THSD4: variants seen among roughly 807,000 people sequenced by gnomAD.
THSD4 encodes thrombospondin type 1 domain containing 4, also known as thrombospondin type-1 domain-containing protein 4.
Under a neutral mutation model 119.0 loss-of-function variants are expected in THSD4, and 69 were observed. The observed-to-expected ratio is 0.58, with a 90% CI of 0.48 to 0.71. THSD4 has a LOEUF of 0.71. Ranked by LOEUF, THSD4 falls within the 30% of genes least tolerant of loss-of-function variation. The pLI, the probability that THSD4 is intolerant of heterozygous loss-of-function variation, is 0.00. For missense variants in THSD4, 1,393 were observed against 1,391.1 expected (o/e 1.00, Z -0.02); for synonymous variants, 524 against 540.4 (o/e 0.97, Z 0.42).
chr15:71,625,682 T>C (rs1240193883), intron 7 of THSD4, among the ~76,000 whole-genome samples: 1 of 152,252 alleles, frequency 6.6e-6, no homozygotes, highest in African/African-American at 2.4e-5. Context: ...CATTGGTCTC[T>C]TTTATTCATT....
chr15:71,548,473 G>C (rs951154242), intron 7 of THSD4, among the ~76,000 whole-genome samples: 16 of 152,228 alleles, frequency 1.1e-4, no homozygotes, highest in African/African-American at 3.9e-4. Flanking sequence ...AAGTGGGAGT[G>C]CTCCCAAGCC....
intron 7 of THSD4, among the ~76,000 whole-genome samples, chr15:71,439,685 A>T (rs1045117317): frequency 7.9e-5 from 12 of 152,208 alleles, no homozygotes; most frequent in African/African-American, 2.9e-4. Context: ...ATGCAGCTGT[A>T]AAAAAGAATG....
At chr15:71,300,001 A>G (rs1472057220) in intron 6 of THSD4, among the ~76,000 whole-genome samples, 1 of 140,714 alleles carries the variant, frequency 7.1e-6, no homozygotes, top group African/African-American at 2.7e-5. Flanking sequence ...ATATATATAT[A>G]TTAGCCATGG....
intron 7 of THSD4, among the ~76,000 whole-genome samples, chr15:71,484,788 G>T (rs1457170997): frequency 6.6e-6 from 1 of 152,176 alleles, no homozygotes; most frequent in Non-Finnish European, 1.5e-5. Context: ...GTGAACCCTT[G>T]TGATGGAGTA....
intron 7 of THSD4, among the ~76,000 whole-genome samples, chr15:71,645,675 G>A (rs2050955574): frequency 1.3e-5 from 2 of 152,140 alleles, no homozygotes; most frequent in African/African-American, 4.8e-5. Context: ...AGGCCCTTGG[G>A]TTTGCTTTGG....
intron 6 of THSD4, among the ~76,000 whole-genome samples, chr15:71,391,284 C>G (rs182580627): frequency 3.9e-5 from 6 of 152,170 alleles, no homozygotes; most frequent in Admixed American, 3.9e-4. Flanking sequence ...CTGCCTCGGC[C>G]TCTCAAAGTG....
In THSD4 at chr15:71,728,534, G is replaced by C. The variant is rs2052908508; in HGVS notation, c.1358-15G>C. 6.2e-7 allele frequency: 1 copy of C among 1,612,624 alleles called. No homozygotes were observed. Among genetic ancestry groups the C allele is most frequent in the East Asian group, 2.2e-5 (1 of 44,818 alleles). ...CCTGGGCTTACCCAAAGAACTGTCT[G>C]ATTTTTCTCAACAGCCCTGAGAAGT... On this transcript the variant is annotated splice_polypyrimidine_tract_variant and intron_variant, in intron 8 of 17. Transcript: ENST00000261862.
chr15:71,143,541 T>C (rs148884123), intron 2 of THSD4, among the ~76,000 whole-genome samples: 2 of 152,174 alleles, frequency 1.3e-5, no homozygotes, highest in African/African-American at 2.4e-5. Flanking sequence ...TAAGCTTGTG[T>C]AAGTCTGGCT....
At chr15:71,160,084 T>C (rs1326507123) in intron 3 of THSD4, among the ~76,000 whole-genome samples, 6 of 152,096 alleles carry the variant, frequency 3.9e-5, no homozygotes, top group African/African-American at 1.2e-4. Flanking sequence ...GATCATATGG[T>C]TTTTGTCTTT....
chr15:71,747,108 C>T (rs889810550), intron 13 of THSD4, 66 bp downstream of exon 13: 3 of 1,508,046 alleles, frequency 2.0e-6, no homozygotes, highest in Non-Finnish European at 2.7e-6. Flanking sequence ...TCCAGCCTCC[C>T]CCACCAAGAC....
intron 6 of THSD4, among the ~76,000 whole-genome samples, chr15:71,293,498 C>T (rs1226324652): frequency 1.3e-5 from 2 of 152,072 alleles, no homozygotes; most frequent in Admixed American, 1.3e-4. Context: ...AGTAGCCTGG[C>T]TGCATAACAT....
rs200113852 is a variant in THSD4, at chr15:71,745,142, G to C, written c.1943G>C (p.Ser648Thr). The change falls in exon 12 of 18, where the codon AGC becomes ACC. Residue 648 changes from serine (S) to threonine (T), a missense_variant. Physicochemically the swap from Ser to Thr is moderately conservative, Grantham distance 58. Transcript: ENST00000261862. The stretch of plus-strand genomic sequence containing the variant: ...CCTATTTTCCGCTGTGTGCACAGAA[G>C]CACTCATGAAGAGGCTCCTGAGAGT... ...QYPIFRCVHR[S>T]THEEAPESYC... 480 of 1,612,408 alleles carry C rather than the reference G, an allele frequency of 3.0e-4. No homozygotes were observed. Among genetic ancestry groups the C allele is most frequent in the Middle Eastern group, 4.2e-4 (2 of 4,710 alleles).
In THSD4 at chr15:71,165,866, G is replaced by A. The variant is rs75041778; in HGVS notation, c.99+10934G>A. On this transcript the variant is annotated intron_variant, in intron 3 of 17. Coordinates refer to ENST00000261862, the MANE Select transcript of THSD4 (RefSeq NM_024817.3). ...GCTGCACTGGCTGTTGAGTTGTGGTGTGGTGTGCTGTGTGGCTGCATGGGG... is the reference window on the plus strand; with the variant it reads ...GCTGCACTGGCTGTTGAGTTGTGGTATGGTGTGCTGTGTGGCTGCATGGGG... Among the ~76,000 whole-genome samples the A allele has an allele frequency of 7.9e-3, 1,198 of 152,282 alleles. 8 individuals carry two copies. The highest frequency in any genetic ancestry group is 0.013 in the Non-Finnish European group (884 of 68,020).
At chr15:71,641,448 A>G (rs550840494) in intron 7 of THSD4, among the ~76,000 whole-genome samples, 24 of 152,128 alleles carry the variant, frequency 1.6e-4, no homozygotes, top group African/African-American at 5.3e-4. Context: ...AGTCTCATTG[A>G]ACACTCACTG....
At chr15:71,404,371 C>T (rs530516970) in intron 6 of THSD4, among the ~76,000 whole-genome samples, 2 of 152,226 alleles carry the variant, frequency 1.3e-5, no homozygotes, top group East Asian at 3.9e-4. Flanking sequence ...GCTTCTTTTA[C>T]TTAGCATAAT....
intron 7 of THSD4, among the ~76,000 whole-genome samples, chr15:71,597,523 A>G (rs982847263): frequency 2.6e-5 from 4 of 152,216 alleles, no homozygotes; most frequent in African/African-American, 9.6e-5. Context: ...ATAATAACAG[A>G]GGTCATTTTA....
At chr15:71,425,815 G>A (rs1271126155) in intron 7 of THSD4, among the ~76,000 whole-genome samples, 1 of 152,190 alleles carries the variant, frequency 6.6e-6, no homozygotes, top group Non-Finnish European at 1.5e-5. Context: ...TCTCATTTGG[G>A]ACCTGGGATA....
At chr15:71,721,467 C>T (rs1358684119) in intron 8 of THSD4, among the ~76,000 whole-genome samples, 1 of 151,876 alleles carries the variant, frequency 6.6e-6, no homozygotes, top group Non-Finnish European at 1.5e-5. Flanking sequence ...GAGATTGTGC[C>T]ACTGCACTCC....
At chr15:71,409,158 C>T (rs868773249) in intron 6 of THSD4, among the ~76,000 whole-genome samples, 2,684 of 89,060 alleles carry the variant, frequency 0.03, 98 homozygotes, top group African/African-American at 0.11. Context: ...TTTTTTTTCC[C>T]CCCCCCTCAG....
Sources: gnomAD v4.1 joint callset for allele counts (sites outside exome capture counted in the v4.1 genomes callset) on GRCh38, gnomAD v4.1.1 for gene constraint, MANE v1.5 for transcripts, NCBI Gene and HGNC (gene_info 2026-07-23, HGNC 2026-07-21) for gene names.